The following CDH4 variants were observed in gnomAD, a reference collection of about 807,000 sequenced individuals.
CDH4 encodes cadherin-4.
Under a neutral mutation model 86.0 loss-of-function variants are expected in CDH4, and 33 were observed. The ratio of observed to expected loss-of-function variants is 0.38; its 90% confidence interval spans 0.29 to 0.51. The LOEUF is 0.51. Ranked by LOEUF, CDH4 falls within the 20% of genes least tolerant of loss-of-function variation. The pLI is 0.86. For synonymous variants in CDH4, 555 were observed against 549.4 expected, an observed-to-expected ratio of 1.01 and a Z score of -0.14; for missense variants, 1,114 against 1,307.4, an observed-to-expected ratio of 0.85 and a Z score of 2.28.
chr20:61,880,540 G>A (rs918012933), intron 7 of CDH4, among the ~76,000 whole-genome samples: 9 of 152,152 alleles, frequency 5.9e-5, no homozygotes, highest in Non-Finnish European at 1.2e-4. Context: ...CCAAGGAGCC[G>A]TCATCTTGGG....
intron 2 of CDH4, among the ~76,000 whole-genome samples, chr20:61,662,836 G>A (rs544255273): frequency 6.6e-6 from 1 of 152,166 alleles, no homozygotes; most frequent in South Asian, 2.1e-4. Flanking sequence ...ACAGTGCCCT[G>A]CCCTCCTATC....
intron 2 of CDH4, among the ~76,000 whole-genome samples, chr20:61,523,959 G>C (rs186724300): frequency 6.6e-6 from 1 of 152,328 alleles, no homozygotes; most frequent in East Asian, 1.9e-4. Flanking sequence ...GTTATATAAA[G>C]AAGCAAGATA....
At chr20:61,541,359 T>C (rs774838021) in intron 2 of CDH4, among the ~76,000 whole-genome samples, 1 of 152,234 alleles carries the variant, frequency 6.6e-6, no homozygotes, top group Non-Finnish European at 1.5e-5. Context: ...TTTAGCCTGG[T>C]GGTCGGCACC....
rs1259616994 is a variant in CDH4, at chr20:61,565,098, G to GTGGTGGTGC, written c.170-178463_170-178462insGTGGTGCTG. ...GGTGGTGGTGGTGGTGCTCTTGGTG[G>GTGGTGGTGC]TGCTCTTGGTGGTGCTGGTGCTCTT... On this transcript the variant is annotated intron_variant, in intron 2 of 15. Coordinates refer to ENST00000614565, the MANE Select transcript of CDH4 (RefSeq NM_001794.5). Among the ~76,000 whole-genome samples the GTGGTGGTGC allele has an allele frequency of 6.5e-5, 8 of 122,674 alleles. 1 individual carries two copies. The highest frequency in any genetic ancestry group is 2.4e-4 in the African/African-American group (8 of 33,900). The allele number at this position is 122,674 out of a possible 152,430, so 80.5% of individuals were successfully genotyped here. A position where few individuals can be genotyped will look rare whatever the true frequency, so the allele number is the denominator to read the frequency against.
chr20:61,379,425 A>G (rs2084888595), intron 2 of CDH4, among the ~76,000 whole-genome samples: 1 of 152,024 alleles, frequency 6.6e-6, no homozygotes, highest in South Asian at 2.1e-4. Flanking sequence ...AGCAGGATGG[A>G]ATAGTTAGAG....
intron 2 of CDH4, among the ~76,000 whole-genome samples, chr20:61,315,188 A>C (rs1055679614): frequency 2.0e-5 from 3 of 152,026 alleles, no homozygotes; most frequent in Non-Finnish European, 4.4e-5. Flanking sequence ...CTGGGGCTGC[A>C]GTGATTGAAT....
At position 61,882,312 on chromosome 20, in the gene CDH4, C is replaced by T. The variant is rs545494389; in HGVS notation, c.1050+8412C>T. On this transcript the variant is annotated intron_variant, in intron 7 of 15. Transcript: ENST00000614565. ...AGCCAGGTTACTTAGGAGGAAGGAG[C>T]GGGGATTTCATCTGTGCCCTCAGCG... is the stretch of plus-strand genomic sequence containing the variant. 3.9e-5 allele frequency among the ~76,000 whole-genome samples: 6 copies of T among 152,364 alleles called. No individual in the cohort carries two copies. The East Asian group carries it at 7.7e-4, about 20-fold the overall frequency.
At chr20:61,414,173 G>A (rs962439448) in intron 2 of CDH4, among the ~76,000 whole-genome samples, 2 of 152,224 alleles carry the variant, frequency 1.3e-5, no homozygotes, top group Admixed American at 1.3e-4. Context: ...GCTGCTGGGG[G>A]TTAAGACTCA....
intron 2 of CDH4, among the ~76,000 whole-genome samples, chr20:61,692,103 C>A (rs182702625): frequency 1.3e-5 from 2 of 149,224 alleles, no homozygotes; most frequent in African/African-American, 5.1e-5. Flanking sequence ...ATGTGTGTGT[C>A]TGTGTGTATG....
chr20:61,730,840 G>T (rs1029450267), intron 2 of CDH4, among the ~76,000 whole-genome samples: 2 of 151,936 alleles, frequency 1.3e-5, no homozygotes, highest in Non-Finnish European at 2.9e-5. Context: ...GGTGCTGGGG[G>T]CAGGGCCTGG....
chr20:61,650,637 C>A (rs778542946), intron 2 of CDH4, among the ~76,000 whole-genome samples: 39 of 152,150 alleles, frequency 2.6e-4, no homozygotes, highest in Non-Finnish European at 5.4e-4. Flanking sequence ...AGCTTCCCCA[C>A]CTTTAGAAAA....
Position 61,272,485 on chromosome 20 carries a change from T to TC in CDH4, c.169+17551dup, listed in dbSNP as rs557589090. On this transcript the variant is annotated intron_variant, in intron 2 of 15. Coordinates refer to ENST00000614565, the MANE Select transcript of CDH4 (RefSeq NM_001794.5). ...TCTAGGAATTGTCTTATTGCATTTC[T>TC]CCCTTATCAGTTTTGAAATAATATT... Among the ~76,000 whole-genome samples the TC allele has an allele frequency of 2.5e-3, 379 of 152,376 alleles. 2 individuals carry two copies. The highest frequency in any genetic ancestry group is 6.8e-3 in the Middle Eastern group (2 of 294).
intron 2 of CDH4, among the ~76,000 whole-genome samples, chr20:61,300,557 G>A (rs114599804): frequency 9.1e-4 from 138 of 152,272 alleles, no homozygotes; most frequent in African/African-American, 3.1e-3. Context: ...TCTCTTCCTC[G>A]CTGCTGTCTT....
chr20:61,878,209 C>A (rs2060277878), intron 7 of CDH4, among the ~76,000 whole-genome samples: 2 of 152,214 alleles, frequency 1.3e-5, no homozygotes, highest in South Asian at 4.1e-4. Flanking sequence ...CAGCAGGACC[C>A]CTCCCACCTT....
At chr20:61,832,479 A>G (rs946055701) in intron 4 of CDH4, among the ~76,000 whole-genome samples, 3 of 152,198 alleles carry the variant, frequency 2.0e-5, no homozygotes, top group African/African-American at 7.2e-5. Flanking sequence ...TGGATAGTTT[A>G]CAAAGGAAAC....
chr20:61,812,824 G>A (rs1980506984), intron 4 of CDH4, among the ~76,000 whole-genome samples: 1 of 152,180 alleles, frequency 6.6e-6, no homozygotes, highest in African/African-American at 2.4e-5. Context: ...GAGGGGTTGT[G>A]CTCTCCAGGC....
At chr20:61,389,120 G>A (rs980289302) in intron 2 of CDH4, among the ~76,000 whole-genome samples, 2 of 152,220 alleles carry the variant, frequency 1.3e-5, no homozygotes, top group Non-Finnish European at 2.9e-5. Flanking sequence ...GCTAGAGGCT[G>A]TTCTGCCAGT....
intron 2 of CDH4, among the ~76,000 whole-genome samples, chr20:61,332,823 A>C (rs986324388): frequency 1.3e-5 from 2 of 152,094 alleles, no homozygotes; most frequent in Non-Finnish European, 2.9e-5. Flanking sequence ...CTCTGGCCTC[A>C]CCCTGTGTTT....
At chr20:61,912,540 A>G (rs980216969) in intron 9 of CDH4, among the ~76,000 whole-genome samples, 1 of 152,262 alleles carries the variant, frequency 6.6e-6, no homozygotes, top group Non-Finnish European at 1.5e-5. Flanking sequence ...CCCATCACCT[A>G]GATTTAATTA....
Sources: allele counts gnomAD v4.1 joint callset (sites outside exome capture counted in the v4.1 genomes callset), GRCh38; gene constraint gnomAD v4.1.1; transcripts MANE v1.5; gene names NCBI Gene and HGNC (gene_info 2026-07-23, HGNC 2026-07-21).